Variants in NAA11 observed in about 807,000 individuals in gnomAD.
The protein encoded by NAA11 is N-alpha-acetyltransferase 11.
NAA11 carries 15 observed loss-of-function variants against 16.1 expected under a neutral mutation model. The ratio of observed to expected loss-of-function variants is 0.93; its 90% CI spans 0.62 to 1.44. The LOEUF (loss-of-function observed/expected upper bound fraction) is 1.44, where lower values mean the gene tolerates loss of function less well. Ranked by LOEUF, NAA11 falls within the 40% of genes most tolerant of loss-of-function variation. The pLI is 0.00. For synonymous variants in NAA11, 122 were observed against 112.4 expected (o/e 1.09, Z -0.54); for missense variants, 298 against 291.3 (o/e 1.02, Z -0.17).
At chr4:79,247,952 A>G (rs1457225164) in intron 2 of NAA11, among the ~76,000 whole-genome samples, 3 of 152,158 alleles carry the variant, frequency 2.0e-5, no homozygotes. Flanking sequence ...GAGTGTCTGT[A>G]GTGGAGCACA....
chr4:79,223,873 A>G (rs1193810407), downstream of NAA11, among the ~76,000 whole-genome samples: 3 of 152,098 alleles, frequency 2.0e-5, no homozygotes, highest in Non-Finnish European at 4.4e-5. Context: ...AAAGATTTAC[A>G]TGGTTCAAAA....
intron 2 of NAA11, among the ~76,000 whole-genome samples, chr4:79,284,469 T>C (rs1359750700): frequency 6.6e-6 from 1 of 152,078 alleles, no homozygotes; most frequent in African/African-American, 2.4e-5. Context: ...TTCAAGAGTA[T>C]CAGGTTGATT....
chr4:79,204,615 AC>A, the NAA11 span, among the ~76,000 whole-genome samples: 1 of 141,902 alleles, frequency 7.0e-6, no homozygotes, highest in Admixed American at 7.4e-5. Context: ...GTTTTTGGTT[AC>A]ACAGATAAAT....
downstream of NAA11, among the ~76,000 whole-genome samples, chr4:79,312,157 C>A (rs1427076345): frequency 6.6e-6 from 1 of 152,162 alleles, no homozygotes; most frequent in Non-Finnish European, 1.5e-5. Context: ...CCTCCTTATA[C>A]AAGAGAGTAC....
chr4:79,163,442 G>A, the NAA11 span, among the ~76,000 whole-genome samples: 2 of 152,200 alleles, frequency 1.3e-5, no homozygotes, highest in Middle Eastern at 3.4e-3. Context: ...AATAAATAAA[G>A]CAGATAGAAG....
the NAA11 span, among the ~76,000 whole-genome samples, chr4:79,163,670 T>C: frequency 1.3e-5 from 2 of 152,184 alleles, no homozygotes; most frequent in South Asian, 2.1e-4. Flanking sequence ...ATCCAGATTC[T>C]GTATTTAAAG....
intron 2 of NAA11, among the ~76,000 whole-genome samples, chr4:79,274,199 A>C (rs187342372): frequency 3.3e-5 from 5 of 152,222 alleles, no homozygotes; most frequent in African/African-American, 1.2e-4. Flanking sequence ...CTTGGCTATG[A>C]GTAATGCCTC....
the NAA11 span, among the ~76,000 whole-genome samples, chr4:79,216,650 T>A: frequency 1.3e-5 from 2 of 152,286 alleles, no homozygotes; most frequent in East Asian, 3.9e-4. Context: ...TGAAATGACA[T>A]CACTAATCAT....
At chr4:79,311,594 G>T (rs1010381841) in intron 1 of NAA11, among the ~76,000 whole-genome samples, 1 of 152,114 alleles carries the variant, frequency 6.6e-6, no homozygotes, top group Non-Finnish European at 1.5e-5. Flanking sequence ...TATAAAGCAA[G>T]GTATATGCAA....
chr4:79,188,996 C>A, the NAA11 span, among the ~76,000 whole-genome samples: 2 of 151,230 alleles, frequency 1.3e-5, no homozygotes, highest in Non-Finnish European at 3.0e-5. Flanking sequence ...CTTTGGGAGG[C>A]CGAGCCGGGC....
chr4:79,235,618 T>TG (rs1721554009), intron 2 of NAA11, among the ~76,000 whole-genome samples: 2 of 152,168 alleles, frequency 1.3e-5, no homozygotes, highest in South Asian at 4.1e-4. Context: ...TCCCGTTTGT[T>TG]GCTGTTAACA....
downstream of NAA11, among the ~76,000 whole-genome samples, chr4:79,312,515 G>A (rs571402049): frequency 3.9e-5 from 6 of 151,932 alleles, no homozygotes; most frequent in Admixed American, 6.6e-5. Context: ...GCCAGGCGTC[G>A]TGGCACATAC....
intron 2 of NAA11, among the ~76,000 whole-genome samples, chr4:79,272,851 A>C (rs1722529948): frequency 6.6e-6 from 1 of 151,898 alleles, no homozygotes; most frequent in South Asian, 2.1e-4. Flanking sequence ...GAACGGGTTG[A>C]ATTGCTAGAG....
At chr4:79,307,231 G>GGTA (rs1181838544) in intron 1 of NAA11, 1 of 152,184 alleles carries the variant, frequency 6.6e-6, no homozygotes, top group African/African-American at 2.4e-5. Flanking sequence ...CTGCTCTGAA[G>GGTA]GTAGTATCTC....
At chr4:79,313,747 A>C (rs1345477518), downstream of NAA11, among the ~76,000 whole-genome samples, 2 of 152,222 alleles carry the variant, frequency 1.3e-5, no homozygotes, top group African/African-American at 4.8e-5. Context: ...AATATAAAAA[A>C]GGACCTTGAT....
At chr4:79,248,723 C>T (rs1243419369) in intron 2 of NAA11, among the ~76,000 whole-genome samples, 1 of 152,202 alleles carries the variant, frequency 6.6e-6, no homozygotes, top group Non-Finnish European at 1.5e-5. Context: ...ACTAGTTCCC[C>T]ACCCCGTGCC....
chr4:79,209,086 A>G, the NAA11 span, among the ~76,000 whole-genome samples: 1 of 152,068 alleles, frequency 6.6e-6, no homozygotes, highest in Non-Finnish European at 1.5e-5. Context: ...GAAATTTGTA[A>G]ATGGACAGGC....
downstream of NAA11, among the ~76,000 whole-genome samples, chr4:79,222,121 G>A (rs1364518944): frequency 1.3e-5 from 2 of 151,676 alleles, no homozygotes; most frequent in Non-Finnish European, 2.9e-5. Context: ...TATGTGTCCA[G>A]GAATGTATCC....
At chr4:79,168,036 A>G in the NAA11 span, among the ~76,000 whole-genome samples, 1 of 151,474 alleles carries the variant, frequency 6.6e-6, no homozygotes, top group Non-Finnish European at 1.5e-5. Flanking sequence ...CTACCCCCCA[A>G]CAGGCCCTGG....
Sources: allele counts gnomAD v4.1 joint callset (sites outside exome capture counted in the v4.1 genomes callset), GRCh38; gene constraint gnomAD v4.1.1; transcripts MANE v1.5; gene names NCBI Gene and HGNC (gene_info 2026-07-23, HGNC 2026-07-21).